Variants in KIRREL2 observed in about 807,000 individuals in gnomAD.
KIRREL2 encodes the protein kirre like nephrin family adhesion molecule 2, also known as kin of IRRE-like protein 2.
Under a neutral mutation model 73.4 loss-of-function variants are expected in KIRREL2, and 56 were observed. That is an observed-to-expected ratio of 0.76 (90% confidence interval 0.62 to 0.95). The LOEUF is 0.95. Among genes scored for constraint, KIRREL2 ranks in the 40% least tolerant of loss-of-function variants. KIRREL2 has a pLI of 0.00. For missense variants in KIRREL2, 896 were observed against 935.0 expected (o/e 0.96, Z 0.54); for synonymous variants, 407 against 404.0 (o/e 1.01, Z -0.09).
chr19:35,862,875 C>A, intron 12 of KIRREL2, 52 bp from the exon 13 acceptor site: 1 of 1,099,472 alleles, frequency 9.1e-7, no homozygotes, highest in Non-Finnish European at 1.4e-6. Context: ...TATTGGTCTG[C>A]ACACATTGTG....
rs1234323263 is a variant in KIRREL2 at position 35,856,912 on chromosome 19, G to A, written c.-208G>A. On this transcript the variant is annotated 5_prime_UTR_variant, in exon 1 of 15. Transcript: ENST00000360202. The surrounding 1 kb of genome is among the most constrained non-coding windows in gnomAD (Gnocchi z 5.9). The stretch of plus-strand genomic sequence containing the variant: ...GATCGGGCCCTCTTGGGGTCTCCCA[G>A]AGACCCAGGCCGCGGAACTGGCAGG... 9 of 662,116 alleles carry A rather than the reference G, an allele frequency of 1.4e-5. No homozygotes were observed. The East Asian group carries it at 2.5e-4, about 18-fold the overall frequency. 41.0% of individuals were successfully genotyped at this position (662,116 alleles called of 1,614,324 possible).
rs1451756039 is a variant in KIRREL2 at position 35,857,135 on chromosome 19, G to C, written c.16G>C (p.Val6Leu). ...TGGGGGACGAATGCTCAGGATGCGG[G>C]TCCCCGCCCTCCTCGTCCTCCTCTT... is the stretch of plus-strand genomic sequence containing the variant. The part of the protein sequence containing the change: MLRMR[V>L]PALLVLLFCF... Residue 6 changes from valine (V) to leucine (L), a missense_variant, in exon 1 of 15, where the codon GTC becomes CTC. Val to Leu is a conservative substitution (Grantham distance 32, BLOSUM62 1). Coordinates refer to ENST00000360202, the MANE Select transcript of KIRREL2 (RefSeq NM_199180.4). The C allele has an allele frequency of 6.2e-7, 1 of 1,612,938 alleles. No individual in the cohort carries two copies. The highest frequency in any genetic ancestry group is 1.7e-5 in the Admixed American group (1 of 59,848).
At chr19:35,860,745 G>C in intron 7 of KIRREL2, 78 bp downstream of exon 7, 1 of 1,588,014 alleles carries the variant, frequency 6.3e-7, no homozygotes, top group East Asian at 2.2e-5. Context: ...GGCCTGGAGG[G>C]GCGGGGCCGG....
chr19:35,858,639 A>G, intron 3 of KIRREL2, 65 bp from the exon 4 acceptor site: 1 of 1,608,230 alleles, frequency 6.2e-7, no homozygotes, highest in Admixed American at 1.7e-5. Context: ...CAGGGAGCCC[A>G]GGGGCATGGT....
At chr19:35,853,452 C>T (rs1973330061), upstream of KIRREL2, among the ~76,000 whole-genome samples, 1 of 152,220 alleles carries the variant, frequency 6.6e-6, no homozygotes, top group Non-Finnish European at 1.5e-5. Flanking sequence ...TCTCTCCCAT[C>T]TCTTCTTTCC....
chr19:35,852,814 C>G (rs1973305938), upstream of KIRREL2, among the ~76,000 whole-genome samples: 1 of 152,058 alleles, frequency 6.6e-6, no homozygotes, highest in African/African-American at 2.4e-5. Flanking sequence ...GATAGTCTTG[C>G]TCTGTTGCTC....
In KIRREL2 at chr19:35,858,727, C is replaced by T. The variant is rs1973537145; in HGVS notation, c.385C>T (p.Leu129=). ...AGTCCCCCCAGAAGCCCCCCAGGTG[C>T]TGGGCGGCCCCTCTGTGTCTCTGGT... ...VLVPPEAPQV[L]GGPSVSLVAG... Residue 129 remains leucine (L), a synonymous_variant, in exon 4 of 15, where the codon CTG becomes TTG. Transcript: ENST00000360202. 1.2e-6 allele frequency: 2 copies of T among 1,614,090 alleles called. No individual in the cohort carries two copies. The highest frequency in any genetic ancestry group is 1.3e-5 in the African/African-American group (1 of 74,950).
Position 35,861,754 on chromosome 19 carries a change from C to T in KIRREL2, c.1291-51C>T, listed in dbSNP as rs1349503390. On this transcript the variant is annotated intron_variant, in intron 10 of 14. Transcript: ENST00000360202. Reference sequence around the variant, plus strand: ...GACTTCCCAGACATCCCTCCTGCTTCTTCCTCCCCTCCTCAGTCTCCTCCG... The same window carrying T: ...GACTTCCCAGACATCCCTCCTGCTTTTTCCTCCCCTCCTCAGTCTCCTCCG... 13 of 1,588,490 alleles carry T rather than the reference C, an allele frequency of 8.2e-6. No individual in the cohort carries two copies. The East Asian group carries it at 2.9e-4, about 36-fold the overall frequency.
chr19:35,859,409 G>A, intron 4 of KIRREL2, 72 bp from the exon 5 acceptor site: 2 of 1,365,744 alleles, frequency 1.5e-6, no homozygotes, highest in Non-Finnish European at 2.0e-6. Context: ...CTTCCAATGT[G>A]GCCCAGGAAA....
At chr19:35,856,397 C>A (rs1973425573), upstream of KIRREL2, among the ~76,000 whole-genome samples, 1 of 152,180 alleles carries the variant, frequency 6.6e-6, no homozygotes, top group African/African-American at 2.4e-5. This position sits in a 1 kb window ranked among gnomAD's most constrained non-coding sequence, Gnocchi z 5.9. Context: ...GCAGCAATAA[C>A]AAGGGAACAG....
At chr19:35,856,700 C>T (rs894651929), upstream of KIRREL2, 1 of 346,010 alleles carries the variant, frequency 2.9e-6, no homozygotes, top group African/African-American at 2.2e-5. The surrounding 1 kb of genome is among the most constrained non-coding windows in gnomAD (Gnocchi z 5.9). Context: ...AGGTGTCCAA[C>T]CCAGCCGGGA....
chr19:35,863,206 C>A (rs906951025), intron 13 of KIRREL2, among the ~76,000 whole-genome samples, 170 bp downstream of exon 13: 26 of 152,126 alleles, frequency 1.7e-4, no homozygotes, highest in African/African-American at 6.0e-4. Context: ...GCCAGGAATT[C>A]AAAGCCAGCC....
Position 35,857,608 on chromosome 19 carries a change from G to A in KIRREL2, c.211+114G>A, listed in dbSNP as rs533839276. ...TCAAGTTTGGGAAATTGATGGGCTC[G>A]GGTAAACATTTAGGAGTCCTGATTT... On this transcript the variant is annotated intron_variant, in intron 2 of 14. Coordinates refer to ENST00000360202, the MANE Select transcript of KIRREL2 (RefSeq NM_199180.4). 68 of 1,135,594 alleles carry A rather than the reference G, an allele frequency of 6.0e-5. No individual in the cohort carries two copies. The African/African-American group carries it at 9.8e-4, about 16-fold the overall frequency. 70.3% of individuals were successfully genotyped at this position (1,135,594 alleles called of 1,614,324 possible). A position where few individuals can be genotyped will look rare whatever the true frequency, so the allele number is the denominator to read the frequency against.
chr19:35,866,572 T>C lies in KIRREL2; in HGVS notation c.*80T>C. 6.2e-7 allele frequency: 1 copy of C among 1,600,394 alleles called. No homozygotes were observed. The highest frequency in any genetic ancestry group is 8.5e-7 in the Non-Finnish European group (1 of 1,173,400). ...TGATTTCTGAGGAGCCAGGACAAGT[T>C]GGCGACCTTACTCCTCCAAAACTGA... On this transcript the variant is annotated 3_prime_UTR_variant, in exon 15 of 15. Transcript: ENST00000360202.
Position 35,858,571 on chromosome 19 carries a change from C to T in KIRREL2, c.361+14C>T, listed in dbSNP as rs202135454. 69 of 1,613,522 alleles carry T rather than the reference C, an allele frequency of 4.3e-5. No homozygotes were observed. The African/African-American group carries it at 7.7e-4, about 18-fold the overall frequency. On this transcript the variant is annotated intron_variant, in intron 3 of 14. Coordinates refer to ENST00000360202, the MANE Select transcript of KIRREL2 (RefSeq NM_199180.4). ...TGCACGTGCTGGGTAAGGACCTCGC[C>T]CACTTGTCCCCTGGGAGCCCAAGAG... is the stretch of plus-strand genomic sequence containing the variant.
At chr19:35,851,468 T>A (rs1205262136), upstream of KIRREL2, 7 of 1,613,318 alleles carry the variant, frequency 4.3e-6, no homozygotes, top group Non-Finnish European at 5.9e-6. Flanking sequence ...TCTAGCAGGG[T>A]CCCCTTCCAG....
chr19:35,864,540 T>A (rs905942093), intron 13 of KIRREL2, 108 bp from the exon 14 acceptor site: 26 of 828,618 alleles, frequency 3.1e-5, no homozygotes, highest in African/African-American at 2.9e-4. Flanking sequence ...TTGGGTGCTC[T>A]TACTCCCTCC....
upstream of KIRREL2, among the ~76,000 whole-genome samples, chr19:35,853,980 G>T (rs1383240360): frequency 6.6e-6 from 1 of 151,956 alleles, no homozygotes; most frequent in Non-Finnish European, 1.5e-5. Context: ...GAGTAGCTGG[G>T]AATACAGGCA....
chr19:35,866,695 C>T lies in KIRREL2; in HGVS notation c.*203C>T, dbSNP rs1973987101. 2 of 652,102 alleles carry T rather than the reference C, an allele frequency of 3.1e-6. No homozygotes were observed. The highest frequency in any genetic ancestry group is 2.6e-6 in the Non-Finnish European group (1 of 383,264). The allele number at this position is 652,102 out of a possible 1,614,324, so 40.4% of individuals were successfully genotyped here. ...CCCCAAGTGGGAGCAACATGGCCAC[C>T]CAATATGCCCACCTATTCCCCGGTG... is the stretch of plus-strand genomic sequence containing the variant. On this transcript the variant is annotated 3_prime_UTR_variant, in exon 15 of 15. Coordinates refer to ENST00000360202, the MANE Select transcript of KIRREL2 (RefSeq NM_199180.4).
Sources: gnomAD v4.1 joint callset for allele counts (sites outside exome capture counted in the v4.1 genomes callset) on GRCh38, gnomAD v4.1.1 for gene constraint, Gnocchi (gnomAD v3.1) non-coding constraint, MANE v1.5 for transcripts, NCBI Gene and HGNC (gene_info 2026-07-23, HGNC 2026-07-21) for gene names.